Variants in B4GALNT2 observed in about 807,000 individuals in gnomAD.
B4GALNT2 encodes beta-1,4-N-acetyl-galactosaminyltransferase 2 (SID blood group).
Under a neutral mutation model 51.1 loss-of-function variants are expected in B4GALNT2, and 42 were observed. The observed-to-expected ratio is 0.82, with a 90% CI of 0.64 to 1.06. The LOEUF (loss-of-function observed/expected upper bound fraction) is 1.06. B4GALNT2 is among the 50% of genes least tolerant of loss of function. The pLI, the probability that B4GALNT2 is intolerant of heterozygous loss-of-function variation, is 0.00. For synonymous variants in B4GALNT2, 253 were observed against 251.7 expected (o/e 1.01, Z -0.05); for missense variants, 602 against 633.6 (o/e 0.95, Z 0.54).
intron 9 of B4GALNT2, among the ~76,000 whole-genome samples, chr17:49,168,332 T>C (rs2042929021): frequency 6.6e-6 from 1 of 152,178 alleles, no homozygotes; most frequent in Non-Finnish European, 1.5e-5. Flanking sequence ...AATGGACCAG[T>C]GCACACAGGC....
the B4GALNT2 span, among the ~76,000 whole-genome samples, chr17:49,125,530 C>T: frequency 6.6e-6 from 1 of 152,110 alleles, no homozygotes; most frequent in Non-Finnish European, 1.5e-5. Context: ...TAAGGTCTGA[C>T]TTATCCCAGC....
At chr17:49,139,403 T>C (rs1204838523) in intron 1 of B4GALNT2, among the ~76,000 whole-genome samples, 1 of 152,184 alleles carries the variant, frequency 6.6e-6, no homozygotes. Flanking sequence ...CATGCCCAGC[T>C]ATTTTTTTTT....
intron 1 of B4GALNT2, among the ~76,000 whole-genome samples, chr17:49,134,133 C>A: frequency 6.6e-6 from 1 of 152,202 alleles, no homozygotes; most frequent in East Asian, 1.9e-4. Context: ...GATACTGATG[C>A]GGATAAATTT....
At chr17:49,134,720 C>G (rs938832529) in intron 1 of B4GALNT2, among the ~76,000 whole-genome samples, 6 of 152,018 alleles carry the variant, frequency 3.9e-5, no homozygotes, top group African/African-American at 1.5e-4. Flanking sequence ...CCAGAGTAGC[C>G]GAAATTACAG....
At chr17:49,159,303 C>A in intron 6 of B4GALNT2, 86 bp downstream of exon 6, 1 of 1,375,840 alleles carries the variant, frequency 7.3e-7, no homozygotes, top group Non-Finnish European at 1.0e-6. Context: ...CTTCAGGAAG[C>A]CTTCCTGTTT....
chr17:49,173,803 G>A lies in B4GALNT2; in HGVS notation c.*4075G>A, dbSNP rs2042972049. ...CTCTTGAACAATAACACCAGTAGGT[G>A]AATGCCGAGTTGAAAAAATTAGCAA... On this transcript the variant is annotated 3_prime_UTR_variant, in exon 11 of 11. Coordinates refer to ENST00000393354, the MANE Select transcript of B4GALNT2 (RefSeq NM_001159387.2). 6.6e-6 allele frequency: 1 copy of A among 152,182 alleles called. No homozygotes were observed. Among genetic ancestry groups the A allele is most frequent in the Non-Finnish European group, 1.5e-5 (1 of 68,034 alleles). 9.4% of individuals were successfully genotyped at this position (152,182 alleles called of 1,614,324 possible). A position where few individuals can be genotyped will look rare whatever the true frequency, so the allele number is the denominator to read the frequency against.
chr17:49,161,321 A>G (rs1312558136), intron 7 of B4GALNT2, among the ~76,000 whole-genome samples: 1 of 150,608 alleles, frequency 6.6e-6, no homozygotes. Flanking sequence ...AAAGGAGGAC[A>G]AATGAACAAA....
chr17:49,125,324 TA>T, the B4GALNT2 span, among the ~76,000 whole-genome samples: 1 of 152,050 alleles, frequency 6.6e-6, no homozygotes, highest in Non-Finnish European at 1.5e-5. Context: ...CATTCCTGGC[TA>T]ATTTTTGTAT....
In B4GALNT2 at chr17:49,169,853, A is replaced by G. The variant is rs2042946258; in HGVS notation, c.*125A>G. The G allele has an allele frequency of 2.1e-6, 2 of 939,156 alleles. No individual in the cohort carries two copies. Among genetic ancestry groups the G allele is most frequent in the Admixed American group, 3.1e-5 (1 of 31,858 alleles). The allele number at this position is 939,156 out of a possible 1,614,324, so 58.2% of individuals were successfully genotyped here. A position where few individuals can be genotyped will look rare whatever the true frequency, so the allele number is the denominator to read the frequency against. On this transcript the variant is annotated 3_prime_UTR_variant, in exon 11 of 11. Coordinates refer to ENST00000393354, the MANE Select transcript of B4GALNT2 (RefSeq NM_001159387.2). ...CAGCTGGTGGGTAGGGAAAAGGGAAATGGCTCAGTTACTGGAAGTACCAAT... is the reference window on the plus strand; with the variant it reads ...CAGCTGGTGGGTAGGGAAAAGGGAAGTGGCTCAGTTACTGGAAGTACCAAT...
At chr17:49,129,025 A>T (rs1420175476), upstream of B4GALNT2, among the ~76,000 whole-genome samples, 1 of 152,158 alleles carries the variant, frequency 6.6e-6, no homozygotes, top group Non-Finnish European at 1.5e-5. Flanking sequence ...GAAGACCGGG[A>T]TGGCAGACCT....
chr17:49,161,510 G>A (rs1598213823), intron 7 of B4GALNT2, among the ~76,000 whole-genome samples: 1 of 151,790 alleles, frequency 6.6e-6, no homozygotes, highest in Middle Eastern at 3.4e-3. Flanking sequence ...GCTGCAGTGA[G>A]CCAGGATCAC....
At chr17:49,164,316 C>T (rs2144336281) in intron 8 of B4GALNT2, 41 bp downstream of exon 8, 1 of 1,557,170 alleles carries the variant, frequency 6.4e-7, no homozygotes, top group East Asian at 2.2e-5. Flanking sequence ...CATTCCAGGA[C>T]AAGAGGGCCC....
intron 1 of B4GALNT2, among the ~76,000 whole-genome samples, chr17:49,138,884 A>G (rs531532744): frequency 1.9e-4 from 29 of 152,326 alleles, no homozygotes; most frequent in African/African-American, 6.7e-4. Context: ...CTCAAACAAA[A>G]CAAAACAAAC....
At position 49,142,172 on chromosome 17, in the gene B4GALNT2, G is replaced by A. The variant is rs200147969; in HGVS notation, c.353G>A (p.Arg118Lys). ...RQAEFEHFQRREGLPRPLPLL... is the reference protein window; with the variant it reads ...RQAEFEHFQRKEGLPRPLPLL... Reference sequence around the variant, plus strand: ...GCTGAATTTGAACACTTTCAGAGGAGGTAATGCGGGTCATGAAGGCCCTTG... The same window carrying A: ...GCTGAATTTGAACACTTTCAGAGGAAGTAATGCGGGTCATGAAGGCCCTTG... Residue 118 changes from arginine to lysine, a missense_variant and splice_region_variant, in exon 3 of 11, where the codon AGA becomes AAA. Transcript: ENST00000393354. 2 of 1,613,880 alleles carry A rather than the reference G, an allele frequency of 1.2e-6. No individual in the cohort carries two copies. Among genetic ancestry groups the A allele is most frequent in the African/African-American group, 1.3e-5 (1 of 74,886 alleles).
At chr17:49,169,119 C>T (rs992871926) in intron 10 of B4GALNT2, among the ~76,000 whole-genome samples, 1 of 151,604 alleles carries the variant, frequency 6.6e-6, no homozygotes, top group Non-Finnish European at 1.5e-5. Context: ...TGTAGGCTGC[C>T]CTTCTTTTCC....
intron 3 of B4GALNT2, among the ~76,000 whole-genome samples, chr17:49,150,225 CCGCCCCG>C (rs1434628978): frequency 2.2e-4 from 33 of 146,674 alleles, no homozygotes; most frequent in South Asian, 2.2e-4. Flanking sequence ...GCCCGGCCAG[CCGCCCCG>C]TCCGGGAGGG....
At chr17:49,144,277 T>G (rs1330120307) in intron 3 of B4GALNT2, among the ~76,000 whole-genome samples, 2 of 152,202 alleles carry the variant, frequency 1.3e-5, no homozygotes, top group Non-Finnish European at 2.9e-5. Flanking sequence ...GAATTAAGTT[T>G]CTAACACATG....
chr17:49,129,236 G>A (rs2042525644), upstream of B4GALNT2, among the ~76,000 whole-genome samples: 1 of 151,846 alleles, frequency 6.6e-6, no homozygotes. Context: ...GGAGGAGGAG[G>A]GGAGAAAGCG....
intron 2 of B4GALNT2, 37 bp from the exon 3 acceptor site, chr17:49,141,998 A>C: frequency 6.2e-7 from 1 of 1,612,392 alleles, no homozygotes; most frequent in Non-Finnish European, 8.5e-7. Context: ...CAGCCTACCC[A>C]CCCAATCCAT....
Sources: allele counts gnomAD v4.1 joint callset (sites outside exome capture counted in the v4.1 genomes callset), GRCh38; gene constraint gnomAD v4.1.1; transcripts MANE v1.5; gene names NCBI Gene and HGNC (gene_info 2026-07-23, HGNC 2026-07-21).